Variants in CTNNA3 observed in about 807,000 individuals in gnomAD.
CTNNA3 encodes the protein catenin alpha-3.
Under a neutral mutation model 95.7 loss-of-function variants are expected in CTNNA3, and 76 were observed. That is an observed-to-expected ratio of 0.79 (90% CI 0.66 to 0.96). The LOEUF is 0.96. Ranked by LOEUF, CTNNA3 falls within the 40% of genes least tolerant of loss-of-function variation. The pLI is 0.00. For synonymous variants in CTNNA3, 431 were observed against 374.4 expected, an observed-to-expected ratio of 1.15 and a Z score of -1.74; for missense variants, 1,191 against 1,089.8, an observed-to-expected ratio of 1.09 and a Z score of -1.31.
chr10:67,020,483 A>C (rs1430962056), intron 7 of CTNNA3, among the ~76,000 whole-genome samples: 1 of 152,202 alleles, frequency 6.6e-6, no homozygotes, highest in African/African-American at 2.4e-5. Context: ...GTTCACTTAC[A>C]GAGTCTAACA....
intron 5 of CTNNA3, among the ~76,000 whole-genome samples, chr10:67,392,447 C>T (rs1408917332): frequency 6.6e-6 from 1 of 152,222 alleles, no homozygotes; most frequent in Non-Finnish European, 1.5e-5. Context: ...AACACTTTTA[C>T]ACTGTTGGTG....
intron 7 of CTNNA3, among the ~76,000 whole-genome samples, chr10:66,783,746 T>TAAA: frequency 6.6e-6 from 1 of 152,300 alleles, no homozygotes; most frequent in South Asian, 2.1e-4. Context: ...TTCCCGCTTT[T>TAAA]AAATAGAATC....
At chr10:66,776,210 G>A (rs1382162356) in intron 7 of CTNNA3, among the ~76,000 whole-genome samples, 1 of 152,022 alleles carries the variant, frequency 6.6e-6, no homozygotes, top group Non-Finnish European at 1.5e-5. Flanking sequence ...TATTATTTTT[G>A]TGCAAGACAA....
intron 7 of CTNNA3, among the ~76,000 whole-genome samples, chr10:66,962,421 T>TC (rs1282863858): frequency 6.6e-6 from 1 of 151,590 alleles, no homozygotes. Context: ...TGTTTTTGTT[T>TC]TTTTTTTGAG....
intron 7 of CTNNA3, among the ~76,000 whole-genome samples, chr10:66,901,136 G>A (rs1205450641): frequency 6.6e-6 from 1 of 152,108 alleles, no homozygotes; most frequent in Admixed American, 6.5e-5. Flanking sequence ...GAGAAAGGTC[G>A]GGTTACCCAC....
intron 15 of CTNNA3, among the ~76,000 whole-genome samples, chr10:66,002,977 CTG>C (rs2078799951): frequency 6.6e-6 from 1 of 152,086 alleles, no homozygotes; most frequent in Non-Finnish European, 1.5e-5. Flanking sequence ...CAACAAAAGG[CTG>C]TGTTCCTTGT....
chr10:66,447,816 AT>A (rs1383354137), intron 11 of CTNNA3, among the ~76,000 whole-genome samples: 4 of 152,030 alleles, frequency 2.6e-5, no homozygotes, highest in Non-Finnish European at 4.4e-5. Context: ...AAAAGCCAAA[AT>A]TGACAAATGG....
chr10:67,524,054 T>G (rs1840062558), intron 4 of CTNNA3, among the ~76,000 whole-genome samples: 3 of 152,202 alleles, frequency 2.0e-5, no homozygotes, highest in Admixed American at 6.5e-5. Flanking sequence ...CATATTTATC[T>G]CTGTAAACAT....
chr10:66,243,210 G>C (rs183917198), intron 13 of CTNNA3, among the ~76,000 whole-genome samples: 210 of 152,286 alleles, frequency 1.4e-3, no homozygotes, highest in Admixed American at 5.6e-3. Flanking sequence ...GTAAGAAATT[G>C]AAGTATTTTA....
chr10:66,891,544 T>G (rs1349466053), intron 7 of CTNNA3, among the ~76,000 whole-genome samples: 1 of 152,192 alleles, frequency 6.6e-6, no homozygotes. Flanking sequence ...ATTTGTTTTA[T>G]CCTAAAAAAA....
chr10:66,757,322 T>G (rs1008879549), intron 9 of CTNNA3, among the ~76,000 whole-genome samples: 2 of 152,134 alleles, frequency 1.3e-5, no homozygotes, highest in Non-Finnish European at 2.9e-5. Context: ...CATAACAAAA[T>G]GCCCTTCGAG....
intron 13 of CTNNA3, among the ~76,000 whole-genome samples, chr10:66,219,119 C>T (rs2088752282): frequency 6.6e-6 from 1 of 152,080 alleles, no homozygotes; most frequent in Non-Finnish European, 1.5e-5. Context: ...GCTTTACCTA[C>T]AGAACTGCAC....
upstream of CTNNA3, among the ~76,000 whole-genome samples, chr10:67,697,491 C>A (rs143307849): frequency 1.2e-4 from 19 of 152,336 alleles, no homozygotes; most frequent in African/African-American, 4.6e-4. Flanking sequence ...GCTTGTCCTG[C>A]TGTGAAACCA....
At chr10:66,206,614 T>A (rs534075035) in intron 13 of CTNNA3, among the ~76,000 whole-genome samples, 3 of 151,998 alleles carry the variant, frequency 2.0e-5, no homozygotes, top group African/African-American at 7.2e-5. Flanking sequence ...ACTTCATAGG[T>A]TTTATATAAT....
chr10:67,358,402 G>A (rs995546820), intron 5 of CTNNA3, among the ~76,000 whole-genome samples: 1 of 152,000 alleles, frequency 6.6e-6, no homozygotes, highest in Non-Finnish European at 1.5e-5. Flanking sequence ...AACAAAATAT[G>A]GGGTAAACCA....
chr10:67,554,173 G>C (rs975294904), intron 3 of CTNNA3, among the ~76,000 whole-genome samples: 1 of 152,158 alleles, frequency 6.6e-6, no homozygotes, highest in Non-Finnish European at 1.5e-5. Flanking sequence ...TGGACATTTG[G>C]GTTGGTTTCA....
intron 11 of CTNNA3, among the ~76,000 whole-genome samples, chr10:66,411,582 G>T (rs1235136213): frequency 6.6e-6 from 1 of 152,024 alleles, no homozygotes; most frequent in African/African-American, 2.4e-5. Flanking sequence ...GATAATGTGG[G>T]TGCTTGAGAC....
chr10:67,631,688 A>G (rs1839148538), intron 2 of CTNNA3, among the ~76,000 whole-genome samples: 1 of 152,238 alleles, frequency 6.6e-6, no homozygotes, highest in Non-Finnish European at 1.5e-5. Flanking sequence ...AACTATTTCA[A>G]ATTAAACACT....
At chr10:66,515,749 C>CT (rs1840829178) in intron 11 of CTNNA3, among the ~76,000 whole-genome samples, 1 of 151,976 alleles carries the variant, frequency 6.6e-6, no homozygotes, top group Non-Finnish European at 1.5e-5. Flanking sequence ...AGGAAGAAGC[C>CT]TTTATAAAAC....
Sources: allele counts gnomAD v4.1 joint callset (sites outside exome capture counted in the v4.1 genomes callset), GRCh38; gene constraint gnomAD v4.1.1; transcripts MANE v1.5; gene names NCBI Gene and HGNC (gene_info 2026-07-23, HGNC 2026-07-21).